The following BPTF variants were observed in gnomAD, a reference collection of about 807,000 sequenced individuals.
BPTF encodes nucleosome-remodeling factor subunit BPTF.
Under a neutral mutation model 292.5 loss-of-function variants are expected in BPTF, and 18 were observed. The observed-to-expected ratio is 0.06, with a 90% confidence interval of 0.04 to 0.09. The LOEUF is 0.09. Among genes scored for constraint, BPTF ranks in the 10% least tolerant of loss-of-function variants. The probability of loss-of-function intolerance (pLI) is 1.00; values close to 1 mark genes in which losing one functional copy is unlikely to be tolerated. For missense variants in BPTF, 2,726 were observed against 3,498.7 expected (o/e 0.78, Z 5.57); for synonymous variants, 1,225 against 1,251.9 (o/e 0.98, Z 0.45).
At chr17:67,868,994 A>T (rs1399765132) in intron 3 of BPTF, among the ~76,000 whole-genome samples, 1 of 152,154 alleles carries the variant, frequency 6.6e-6, no homozygotes, top group Non-Finnish European at 1.5e-5. Context: ...TTATTAGAAA[A>T]GTTTTAGTGT....
intron 14 of BPTF, among the ~76,000 whole-genome samples, chr17:67,923,237 G>C (rs1288780944): frequency 2.6e-5 from 4 of 151,560 alleles, no homozygotes; most frequent in Admixed American, 6.6e-5. Flanking sequence ...TGTATTTTTT[G>C]TACAGAGATG....
chr17:67,858,313 T>C (rs953076981), intron 2 of BPTF, among the ~76,000 whole-genome samples: 3 of 152,250 alleles, frequency 2.0e-5, no homozygotes, highest in South Asian at 2.1e-4. Context: ...GTATTCATTG[T>C]GCCATTTTTT....
At chr17:67,932,883 C>G (rs1046764298) in intron 18 of BPTF, among the ~76,000 whole-genome samples, 5 of 152,008 alleles carry the variant, frequency 3.3e-5, no homozygotes, top group African/African-American at 1.2e-4. Context: ...CCTACTGATA[C>G]TGGGCAGAAT....
intron 27 of BPTF, 116 bp from the exon 28 acceptor site, chr17:67,982,136 G>T: frequency 1.1e-6 from 1 of 919,808 alleles, no homozygotes; most frequent in South Asian, 1.4e-5. Context: ...TGCCAAGGGT[G>T]AATGAAAGAA....
In BPTF at chr17:67,894,182, C is replaced by T; in HGVS notation, c.2543+17C>T. On this transcript the variant is annotated intron_variant, in intron 7 of 27. Coordinates refer to ENST00000306378, the MANE Select transcript of BPTF (RefSeq NM_182641.4). ...ACATACCAGGTAAATGAATTCTGAG[C>T]CTTGTAAATGATGAGTATTGGACTC... is the stretch of plus-strand genomic sequence containing the variant. 1.2e-6 allele frequency: 2 copies of T among 1,612,360 alleles called. No individual in the cohort carries two copies. Among genetic ancestry groups the T allele is most frequent in the Non-Finnish European group, 1.7e-6 (2 of 1,178,674 alleles).
At chr17:67,921,929 G>A (rs955183283) in intron 13 of BPTF, among the ~76,000 whole-genome samples, 1 of 152,150 alleles carries the variant, frequency 6.6e-6, no homozygotes, top group Admixed American at 6.5e-5. Flanking sequence ...CTACTCGGGA[G>A]GCCGAGGCAC....
intron 19 of BPTF, among the ~76,000 whole-genome samples, chr17:67,941,514 AAGGAG>A (rs1182938753): frequency 6.6e-6 from 1 of 152,214 alleles, no homozygotes; most frequent in Non-Finnish European, 1.5e-5. Context: ...GTACAGACAT[AAGGAG>A]AGGCAGATAG....
rs1244181785 is a variant in BPTF at position 67,873,314 on chromosome 17, C to T, written c.1661-1503C>T. 8.6e-5 allele frequency among the ~76,000 whole-genome samples: 13 copies of T among 151,756 alleles called. No individual in the cohort carries two copies. The East Asian group carries it at 1.2e-3, about 14-fold the overall frequency. On this transcript the variant is annotated intron_variant, in intron 3 of 27. Transcript: ENST00000306378. Reference sequence around the variant, plus strand: ...CTCTACTAAAAATACAAAAATTAGCCGGGTGTGGTGGCAGGCGCCTGTAAT... The same window carrying T: ...CTCTACTAAAAATACAAAAATTAGCTGGGTGTGGTGGCAGGCGCCTGTAAT...
In BPTF at chr17:67,976,996, T is replaced by A. The variant is rs138233313; in HGVS notation, c.8726+1038T>A. On this transcript the variant is annotated intron_variant, in intron 27 of 27. Transcript: ENST00000306378. ...CAAATGCTAAGAATAAAAGAAACTC[T>A]TAGATAAAACCGACAATCTATAAAA... 2.1e-3 allele frequency among the ~76,000 whole-genome samples: 316 copies of A among 152,260 alleles called. 3 individuals are homozygous for A. Among genetic ancestry groups the A allele is most frequent in the African/African-American group, 7.3e-3 (304 of 41,542 alleles).
At chr17:67,850,184 C>T (rs1598229553) in intron 1 of BPTF, among the ~76,000 whole-genome samples, 1 of 152,108 alleles carries the variant, frequency 6.6e-6, no homozygotes, top group African/African-American at 2.4e-5. Flanking sequence ...TATTTAATAG[C>T]TTATTATATG....
At chr17:67,858,053 T>G (rs1211398117) in intron 2 of BPTF, among the ~76,000 whole-genome samples, 1 of 152,178 alleles carries the variant, frequency 6.6e-6, no homozygotes, top group Non-Finnish European at 1.5e-5. Context: ...CCCAAAGTGC[T>G]GGGATTACAG....
chr17:67,868,087 TATA>T (rs1458624103), intron 3 of BPTF, among the ~76,000 whole-genome samples: 6 of 152,206 alleles, frequency 3.9e-5, no homozygotes, highest in Non-Finnish European at 5.9e-5. Flanking sequence ...CTTACTGGGT[TATA>T]ATATAATTGG....
chr17:67,959,496 A>G (rs2067263002), intron 23 of BPTF, 45 bp from the exon 24 acceptor site: 1 of 1,436,118 alleles, frequency 7.0e-7, no homozygotes, highest in African/African-American at 1.4e-5. Flanking sequence ...TCACACATTT[A>G]CATGACTCTA....
Position 67,929,575 on chromosome 17 carries a change from C to T in BPTF, c.6150+88C>T, listed in dbSNP as rs2064186101. The T allele has an allele frequency of 2.1e-6, 3 of 1,446,726 alleles. No individual in the cohort carries two copies. The African/African-American group carries it at 4.3e-5, about 21-fold the overall frequency. The allele number at this position is 1,446,726 out of a possible 1,614,324, so 89.6% of individuals were successfully genotyped here. ...GACTTCTTCCAAGATTAATCCAACT[C>T]AGTTTCCTTTGCCTATTACTGAATC... On this transcript the variant is annotated intron_variant, in intron 17 of 27. Coordinates refer to ENST00000306378, the MANE Select transcript of BPTF (RefSeq NM_182641.4).
At chr17:67,899,330 C>G (rs1433764165) in intron 7 of BPTF, among the ~76,000 whole-genome samples, 3 of 152,136 alleles carry the variant, frequency 2.0e-5, no homozygotes, top group Non-Finnish European at 2.9e-5. Flanking sequence ...CGCCAGATAC[C>G]TTGATTGTGG....
Position 67,826,081 on chromosome 17 carries a change from G to A in BPTF, c.357G>A (p.Arg119=), listed in dbSNP as rs1262123924. The change falls in exon 1 of 28, where the codon AGG becomes AGA. Residue 119 remains arginine, a synonymous_variant. Transcript: ENST00000306378. ...GHLARTTAAR[R]AVNKVVYDDH... ...TGGCCCGGACCACCGCGGCCCGGAG[G>A]GCCGTCAACAAAGTGGTGTACGATG... 1.7e-5 allele frequency: 22 copies of A among 1,302,014 alleles called. No homozygotes were observed. Among genetic ancestry groups the A allele is most frequent in the Non-Finnish European group, 2.0e-5 (19 of 952,840 alleles). 80.7% of individuals were successfully genotyped at this position (1,302,014 alleles called of 1,614,324 possible).
Position 67,928,489 on chromosome 17 carries a change from C to T in BPTF, c.5886C>T (p.Thr1962=), listed in dbSNP as rs959001566. 1.2e-6 allele frequency: 2 copies of T among 1,613,984 alleles called. No homozygotes were observed. The highest frequency in any genetic ancestry group is 1.3e-5 in the African/African-American group (1 of 74,894). Residue 1962 remains threonine (T), a synonymous_variant, in exon 16 of 28, where the codon ACC becomes ACT. Transcript: ENST00000306378. ...APISGSVTTG[T]KMVLTTKVGS... is the part of the protein sequence containing the mutation. ...TAAGTGGCTCAGTTACAACTGGAACCAAAATGGTACTAACTACTAAAGTTG... is the reference window on the plus strand; with the variant it reads ...TAAGTGGCTCAGTTACAACTGGAACTAAAATGGTACTAACTACTAAAGTTG...
chr17:67,884,032 A>T (rs1162413932), intron 4 of BPTF, among the ~76,000 whole-genome samples: 1 of 151,954 alleles, frequency 6.6e-6, no homozygotes, highest in African/African-American at 2.4e-5. Context: ...AGATCATTTT[A>T]TGTGTGAACA....
intron 1 of BPTF, among the ~76,000 whole-genome samples, chr17:67,853,005 G>A (rs1229749380): frequency 3.9e-5 from 6 of 152,212 alleles, no homozygotes; most frequent in African/African-American, 1.2e-4. Flanking sequence ...GGGTGGTGGC[G>A]CCTGCCTGTA....
Sources: gnomAD v4.1 joint callset for allele counts (sites outside exome capture counted in the v4.1 genomes callset) on GRCh38, gnomAD v4.1.1 for gene constraint, MANE v1.5 for transcripts, NCBI Gene and HGNC (gene_info 2026-07-23, HGNC 2026-07-21) for gene names.